Variants in PPP4R4 observed in about 807,000 individuals in gnomAD.
PPP4R4 encodes protein phosphatase 4 regulatory subunit 4.
A neutral mutation model predicts 121.8 loss-of-function variants in PPP4R4; 70 were observed. The observed-to-expected ratio is 0.57, with a 90% CI of 0.47 to 0.70. The LOEUF is 0.70. Among genes scored for constraint, PPP4R4 ranks in the 30% least tolerant of loss-of-function variants. The pLI, the probability that PPP4R4 is intolerant of heterozygous loss-of-function variation, is 0.00. For synonymous variants in PPP4R4, 348 were observed against 355.7 expected (o/e 0.98, Z 0.24); for missense variants, 875 against 1,033.6 (o/e 0.85, Z 2.10).
intron 3 of PPP4R4, among the ~76,000 whole-genome samples, chr14:94,222,850 C>G (rs918259012): frequency 5.3e-5 from 8 of 152,170 alleles, no homozygotes; most frequent in Non-Finnish European, 1.2e-4. Context: ...TCTTCTCTCT[C>G]TCCTCCTTCT....
At chr14:94,250,551 G>A (rs1394617710) in intron 15 of PPP4R4, among the ~76,000 whole-genome samples, 1 of 151,822 alleles carries the variant, frequency 6.6e-6, no homozygotes, top group Non-Finnish European at 1.5e-5. Flanking sequence ...TGATGAAATA[G>A]CATTTGGAAC....
At chr14:94,186,409 C>A (rs1273314294) in intron 2 of PPP4R4, among the ~76,000 whole-genome samples, 1 of 152,104 alleles carries the variant, frequency 6.6e-6, no homozygotes, top group Non-Finnish European at 1.5e-5. Flanking sequence ...TGTAGATTAT[C>A]TTTGATGTTG....
chr14:94,174,425 G>T lies in PPP4R4; in HGVS notation c.-41G>T, dbSNP rs1350239658. On this transcript the variant is annotated 5_prime_UTR_variant, in exon 1 of 25. Coordinates refer to ENST00000304338, the MANE Select transcript of PPP4R4 (RefSeq NM_058237.2). Reference sequence around the variant, plus strand: ...CGGGGCTGAGGGCGTCCGGCATCCCGGGGCCGCTCCGGCCCGGGCGGCGAG... The same window carrying T: ...CGGGGCTGAGGGCGTCCGGCATCCCTGGGCCGCTCCGGCCCGGGCGGCGAG... 3 of 1,489,806 alleles carry T rather than the reference G, an allele frequency of 2.0e-6. No homozygotes were observed. Among genetic ancestry groups the T allele is most frequent in the East Asian group, 2.8e-5 (1 of 36,102 alleles). The allele number at this position is 1,489,806 out of a possible 1,614,324, so 92.3% of individuals were successfully genotyped here.
intron 23 of PPP4R4, among the ~76,000 whole-genome samples, chr14:94,267,262 A>G (rs1894098432): frequency 6.6e-6 from 1 of 152,200 alleles, no homozygotes; most frequent in South Asian, 2.1e-4. Context: ...GAAAAAGAAC[A>G]AAAGTGATAG....
chr14:94,197,933 T>TATTATTA (rs1567109984), intron 2 of PPP4R4, among the ~76,000 whole-genome samples: 6 of 152,244 alleles, frequency 3.9e-5, no homozygotes, highest in Non-Finnish European at 8.8e-5. Flanking sequence ...TATAATAATT[T>TATTATTA]GATTATCCAC....
chr14:94,230,537 A>G (rs1891958719), intron 3 of PPP4R4, 50 bp from the exon 4 acceptor site: 3 of 1,507,844 alleles, frequency 2.0e-6, no homozygotes, highest in Non-Finnish European at 2.7e-6. Flanking sequence ...AAAAATTATA[A>G]TTTGTGATCT....
At chr14:94,206,528 TTTTC>T (rs1298819571) in intron 2 of PPP4R4, among the ~76,000 whole-genome samples, 1 of 152,048 alleles carries the variant, frequency 6.6e-6, no homozygotes, top group East Asian at 1.9e-4. Flanking sequence ...TTTGCTTCTG[TTTTC>T]TTTTTCTTGC....
chr14:94,174,469 C>G lies in PPP4R4; in HGVS notation c.4C>G (p.His2Asp), dbSNP rs367876271. 1.0e-5 allele frequency: 16 copies of G among 1,602,018 alleles called. No homozygotes were observed. In the South Asian group the frequency reaches 1.7e-4, roughly 17 times the overall value. Residue 2 changes from histidine to aspartate, a missense_variant, in exon 1 of 25, where the codon CAT becomes GAT. Physicochemically the swap from His to Asp is moderately conservative, Grantham distance 81. Transcript: ENST00000304338. MHPPPPAAAMDF... is the reference protein window; with the variant it reads MDPPPPAAAMDF... ...CGGCGAGAGTGCCCGGCGGTCCATGCATCCGCCGCCGCCCGCCGCCGCGAT... is the reference window on the plus strand; with the variant it reads ...CGGCGAGAGTGCCCGGCGGTCCATGGATCCGCCGCCGCCCGCCGCCGCGAT...
rs1566683573 is a variant in PPP4R4 at position 94,241,926 on chromosome 14, C to A, written c.1115C>A (p.Ser372Ter). ...QILEQEKKYI[S>*]VRKNCAYNFP... The stretch of plus-strand genomic sequence containing the variant: ...CTAGAGCAGGAGAAGAAATATATTT[C>A]AGTACGGAAGAACTGTGCTTATAAC... The change falls in exon 10 of 25, where the codon TCA becomes TAA. Residue 372 changes from serine (S) to a stop codon, truncating the protein, a stop_gained. Transcript: ENST00000304338. LOFTEE classifies it high-confidence loss of function. 5 of 1,606,630 alleles carry A rather than the reference C, an allele frequency of 3.1e-6. No homozygotes were observed. The highest frequency in any genetic ancestry group is 2.7e-5 in the African/African-American group (2 of 74,464).
At position 94,230,468 on chromosome 14, in the gene PPP4R4, G is replaced by T. The variant is rs41301463; in HGVS notation, c.295-119G>T. The T allele has an allele frequency of 3.9e-3, 3,370 of 856,534 alleles. 13 individuals are homozygous for T. Among genetic ancestry groups the T allele is most frequent in the Non-Finnish European group, 5.2e-3 (2,961 of 574,278 alleles). 53.1% of individuals were successfully genotyped at this position (856,534 alleles called of 1,614,324 possible). ...TCTGAAATAAGTACATATCCTTAAA[G>T]GTCATATGTCTTAATTTTGTGGAAT... On this transcript the variant is annotated intron_variant, in intron 3 of 24. Coordinates refer to ENST00000304338, the MANE Select transcript of PPP4R4 (RefSeq NM_058237.2).
chr14:94,207,454 TTCTAATAGAAC>T (rs1399480708), intron 2 of PPP4R4, among the ~76,000 whole-genome samples: 42 of 151,998 alleles, frequency 2.8e-4, no homozygotes, highest in Non-Finnish European at 1.2e-4. Flanking sequence ...ATATGTTTCT[TTCTAATAGAAC>T]TTACTCTAAA....
intron 23 of PPP4R4, among the ~76,000 whole-genome samples, chr14:94,268,279 A>G (rs117022631): frequency 6.6e-6 from 1 of 152,326 alleles, no homozygotes; most frequent in Non-Finnish European, 1.5e-5. Flanking sequence ...TCAGACTTGG[A>G]TGGATCTCAC....
intron 2 of PPP4R4, among the ~76,000 whole-genome samples, chr14:94,189,051 G>A (rs776162852): frequency 2.6e-5 from 4 of 152,086 alleles, no homozygotes; most frequent in Non-Finnish European, 5.9e-5. Context: ...AAATCAGGGA[G>A]AAAATTGACT....
intron 3 of PPP4R4, chr14:94,227,495 C>G: frequency 1.4e-6 from 2 of 1,379,508 alleles, no homozygotes; most frequent in East Asian, 2.7e-5. Flanking sequence ...GTGGACAGTC[C>G]CAGATGTTGA....
chr14:94,195,348 C>T (rs556196141), intron 2 of PPP4R4, among the ~76,000 whole-genome samples: 3 of 152,190 alleles, frequency 2.0e-5, no homozygotes, highest in Non-Finnish European at 2.9e-5. Flanking sequence ...AAGCCCTGTA[C>T]AAGTGGATTC....
intron 14 of PPP4R4, 56 bp downstream of exon 14, chr14:94,246,595 A>G (rs1892907347): frequency 1.4e-6 from 2 of 1,481,072 alleles, no homozygotes; most frequent in South Asian, 1.3e-5. Context: ...TTCTGGAATT[A>G]CCAAAACTCT....
chr14:94,201,055 A>G (rs1890153166), intron 2 of PPP4R4, among the ~76,000 whole-genome samples: 1 of 152,118 alleles, frequency 6.6e-6, no homozygotes, highest in African/African-American at 2.4e-5. Context: ...AGAATTTTTT[A>G]ATTTCCATCT....
intron 17 of PPP4R4, among the ~76,000 whole-genome samples, chr14:94,258,222 T>C (rs1202588101): frequency 6.6e-6 from 1 of 152,194 alleles, no homozygotes; most frequent in East Asian, 1.9e-4. Flanking sequence ...GAATAAGTTT[T>C]AGAAGTACTG....
chr14:94,213,301 G>C (rs1890839239), intron 3 of PPP4R4, among the ~76,000 whole-genome samples: 1 of 152,154 alleles, frequency 6.6e-6, no homozygotes, highest in South Asian at 2.1e-4. Context: ...GTCATCTCCT[G>C]TCTGTACTAC....
Sources: gnomAD v4.1 joint callset for allele counts (sites outside exome capture counted in the v4.1 genomes callset) on GRCh38, gnomAD v4.1.1 for gene constraint, MANE v1.5 for transcripts, NCBI Gene and HGNC (gene_info 2026-07-23, HGNC 2026-07-21) for gene names.